Variants in SUGCT observed in about 807,000 individuals in gnomAD.
SUGCT encodes succinyl-CoA:glutarate-CoA transferase, also known as succinyl-CoA:glutarate CoA-transferase.
SUGCT carries 41 observed loss-of-function variants against 55.0 expected under a neutral mutation model. That is an observed-to-expected ratio of 0.74 (90% CI 0.58 to 0.97). The LOEUF is 0.97. Ranked by LOEUF, SUGCT falls within the 50% of genes least tolerant of loss-of-function variation. The pLI is 0.00. For synonymous variants in SUGCT, 187 were observed against 200.4 expected (o/e 0.93, Z 0.56); for missense variants, 568 against 547.8 (o/e 1.04, Z -0.37).
Position 40,696,614 on chromosome 7 carries a change from C to CGAA in SUGCT, c.1090-52818_1090-52816dup, listed in dbSNP as rs531709925. 8.2e-4 allele frequency among the ~76,000 whole-genome samples: 125 copies of CGAA among 152,256 alleles called. No individual in the cohort carries two copies. The East Asian group carries it at 0.011, about 13-fold the overall frequency. ...ACTCCAAGTTTCAGCCTCTTCCATC[C>CGAA]GAAGCAGTTGAGCCACTAGGAATGT... On this transcript the variant is annotated intron_variant, in intron 12 of 13. Transcript: ENST00000335693.
intron 4 of SUGCT, 31 bp from the exon 5 acceptor site, chr7:40,189,513 A>AATAT (rs563908901): frequency 2.7e-5 from 22 of 812,692 alleles, no homozygotes; most frequent in Admixed American, 1.8e-4. Flanking sequence ...TCATCGAAAT[A>AATAT]ATATATATAT....
At chr7:40,338,000 A>T (rs371366477) in intron 9 of SUGCT, among the ~76,000 whole-genome samples, 2 of 152,006 alleles carry the variant, frequency 1.3e-5, no homozygotes, top group East Asian at 3.9e-4. Flanking sequence ...TTTCTCCTTC[A>T]CTTATGAAGC....
At chr7:40,472,239 C>T (rs1167119425) in intron 11 of SUGCT, among the ~76,000 whole-genome samples, 1 of 152,102 alleles carries the variant, frequency 6.6e-6, no homozygotes, top group Admixed American at 6.5e-5. Context: ...ATGATAAGTA[C>T]ACAATTGCAG....
intron 9 of SUGCT, among the ~76,000 whole-genome samples, chr7:40,395,858 A>G (rs1198832130): frequency 6.6e-6 from 1 of 152,182 alleles, no homozygotes; most frequent in Non-Finnish European, 1.5e-5. Flanking sequence ...GAAGAGTTTA[A>G]TTTATATTCT....
At chr7:40,976,664 G>C in the SUGCT span, among the ~76,000 whole-genome samples, 4 of 152,150 alleles carry the variant, frequency 2.6e-5, no homozygotes, top group Non-Finnish European at 2.9e-5. Flanking sequence ...CTTCCAATGA[G>C]TGGTTGAGAG....
At chr7:40,154,658 A>C (rs886543256) in intron 1 of SUGCT, among the ~76,000 whole-genome samples, 1 of 151,954 alleles carries the variant, frequency 6.6e-6, no homozygotes, top group Non-Finnish European at 1.5e-5. Context: ...CCTGTTTTCT[A>C]TTTTGCCAAG....
intron 12 of SUGCT, among the ~76,000 whole-genome samples, chr7:40,545,972 A>G (rs550767307): frequency 1.3e-5 from 2 of 152,230 alleles, no homozygotes; most frequent in Non-Finnish European, 2.9e-5. Context: ...AGTCATGTGT[A>G]TCTATAAAAT....
intron 12 of SUGCT, among the ~76,000 whole-genome samples, chr7:40,500,780 A>G (rs984126011): frequency 1.3e-4 from 20 of 152,196 alleles, no homozygotes; most frequent in African/African-American, 4.8e-4. Flanking sequence ...CTTATTTTTT[A>G]AAAAAGGCCA....
At chr7:40,474,730 A>C (rs548784752) in intron 11 of SUGCT, among the ~76,000 whole-genome samples, 1 of 152,310 alleles carries the variant, frequency 6.6e-6, no homozygotes, top group South Asian at 2.1e-4. Flanking sequence ...GGTAGCATTG[A>C]AGCTTGAATC....
the SUGCT span, among the ~76,000 whole-genome samples, chr7:41,013,569 C>A: frequency 6.6e-6 from 1 of 151,986 alleles, no homozygotes; most frequent in East Asian, 1.9e-4. Context: ...TGCATAAGTG[C>A]GCAGGTGTCT....
At chr7:40,806,598 T>C (rs1791105500) in intron 13 of SUGCT, among the ~76,000 whole-genome samples, 1 of 152,186 alleles carries the variant, frequency 6.6e-6, no homozygotes, top group Admixed American at 6.5e-5. Flanking sequence ...TTATTTGTTT[T>C]GTTAGGAAAA....
At chr7:40,472,962 T>C (rs1583772082) in intron 11 of SUGCT, among the ~76,000 whole-genome samples, 1 of 152,322 alleles carries the variant, frequency 6.6e-6, no homozygotes, top group Non-Finnish European at 1.5e-5. Context: ...TTCTTTTCAG[T>C]TGTAGTTTTC....
chr7:40,405,866 G>A (rs1172595031), intron 9 of SUGCT, among the ~76,000 whole-genome samples: 5 of 147,926 alleles, frequency 3.4e-5, no homozygotes, highest in Non-Finnish European at 6.0e-5. Flanking sequence ...TTCAATTTAT[G>A]AAATCCTATA....
chr7:40,852,294 A>G (rs540350125), intron 13 of SUGCT, among the ~76,000 whole-genome samples: 1 of 152,298 alleles, frequency 6.6e-6, no homozygotes, highest in African/African-American at 2.4e-5. Flanking sequence ...TTCTATCACT[A>G]GGATACCTCT....
At chr7:40,561,928 G>A (rs1795862924) in intron 12 of SUGCT, among the ~76,000 whole-genome samples, 1 of 150,266 alleles carries the variant, frequency 6.7e-6, no homozygotes, top group Non-Finnish European at 1.5e-5. Flanking sequence ...CTGACCTCCT[G>A]ATCCACTGGC....
intron 9 of SUGCT, among the ~76,000 whole-genome samples, chr7:40,429,895 A>C (rs532712575): frequency 6.6e-6 from 1 of 152,314 alleles, no homozygotes; most frequent in African/African-American, 2.4e-5. Context: ...TTAGAAATTT[A>C]GATGCCACAT....
intron 6 of SUGCT, among the ~76,000 whole-genome samples, chr7:40,219,038 A>G (rs1787859993): frequency 6.6e-6 from 1 of 152,216 alleles, no homozygotes; most frequent in Admixed American, 6.5e-5. Context: ...TATGAGCTGT[A>G]ACACTCACCA....
At chr7:40,982,911 C>A in the SUGCT span, among the ~76,000 whole-genome samples, 3 of 152,066 alleles carry the variant, frequency 2.0e-5, no homozygotes, top group Non-Finnish European at 2.9e-5. Context: ...AGCCTCCCAA[C>A]GTTCTGGGAT....
At chr7:40,404,362 C>T (rs1354994780) in intron 9 of SUGCT, among the ~76,000 whole-genome samples, 3 of 151,900 alleles carry the variant, frequency 2.0e-5, no homozygotes, top group South Asian at 2.1e-4. Context: ...GTGTTGGTAC[C>T]GAGACAATGA....
Sources: allele counts gnomAD v4.1 joint callset (sites outside exome capture counted in the v4.1 genomes callset), GRCh38; gene constraint gnomAD v4.1.1; transcripts MANE v1.5; gene names NCBI Gene and HGNC (gene_info 2026-07-23, HGNC 2026-07-21).